The following COLEC10 variants were observed in gnomAD, a reference collection of about 807,000 sequenced individuals.
COLEC10 encodes the protein collectin subfamily member 10, also known as collectin-10.
In COLEC10, 22 loss-of-function variants were observed where a neutral mutation model predicts 28.4. That is an observed-to-expected ratio of 0.78 (90% CI 0.55 to 1.11). The LOEUF is 1.11. COLEC10 is among the 50% of genes least tolerant of loss of function. COLEC10 has a pLI of 0.00. For missense variants in COLEC10, 361 were observed against 344.1 expected (o/e 1.05, Z -0.39); for synonymous variants, 125 against 116.1 (o/e 1.08, Z -0.49).
intron 3 of COLEC10, among the ~76,000 whole-genome samples, chr8:119,092,451 GTCC>G (rs1381185118): frequency 3.3e-5 from 5 of 152,050 alleles, no homozygotes; most frequent in Non-Finnish European, 5.9e-5. Context: ...TTCCTTCCCT[GTCC>G]TCCTCTCAGA....
chr8:119,096,049 A>C (rs923365496), intron 3 of COLEC10, among the ~76,000 whole-genome samples: 2 of 150,488 alleles, frequency 1.3e-5, no homozygotes, highest in African/African-American at 4.8e-5. Flanking sequence ...GTTATTGGCT[A>C]TTCATGTATA....
the COLEC10 span, among the ~76,000 whole-genome samples, chr8:118,974,963 C>T: frequency 6.6e-6 from 1 of 151,926 alleles, no homozygotes; most frequent in Admixed American, 6.6e-5. Flanking sequence ...TTTTAAAGGG[C>T]AGATTTTCAT....
chr8:119,031,519 A>C (rs12677466), intron 2 of COLEC10, among the ~76,000 whole-genome samples: 6,684 of 152,282 alleles, frequency 0.044, 212 homozygotes, highest in East Asian at 0.16. Flanking sequence ...GTTAATTACC[A>C]AATAAGATAG....
the COLEC10 span, among the ~76,000 whole-genome samples, chr8:118,989,726 A>ATGTGTGTGTGTG: frequency 6.4e-3 from 961 of 151,304 alleles, 16 homozygotes; most frequent in African/African-American, 0.022. Context: ...AAAAATTTGC[A>ATGTGTGTGTGTG]TGTGTGTGTG....
At chr8:119,077,251 T>TTC (rs200935350) in intron 1 of COLEC10, among the ~76,000 whole-genome samples, 14,576 of 125,004 alleles carry the variant, frequency 0.12, 1,836 homozygotes, top group African/African-American at 0.31. Flanking sequence ...TGATTTTTTT[T>TTC]TTTTTTTTTT....
At chr8:118,990,969 GA>G (rs932082962), upstream of COLEC10, among the ~76,000 whole-genome samples, 19 of 140,212 alleles carry the variant, frequency 1.4e-4, no homozygotes, top group African/African-American at 3.5e-4. Context: ...GGGAATTAAA[GA>G]AAAAAAAAAC....
At position 119,082,968 on chromosome 8, in the gene COLEC10, C is replaced by T. The variant is rs367927246; in HGVS notation, c.149-6712C>T. Among the ~76,000 whole-genome samples, 15 of 152,260 alleles carry T rather than the reference C, an allele frequency of 9.9e-5. No homozygotes were observed. The East Asian group carries it at 2.7e-3, about 27-fold the overall frequency. ...TCACAGTAATTATCTGCTTCTTTGT[C>T]CATCTTCTCCTGAGGCTTTGACCTC... On this transcript the variant is annotated intron_variant, in intron 1 of 5. Coordinates refer to ENST00000332843, the MANE Select transcript of COLEC10 (RefSeq NM_006438.5).
chr8:119,027,034 A>G (rs1814203895), intron 2 of COLEC10, among the ~76,000 whole-genome samples: 1 of 152,140 alleles, frequency 6.6e-6, no homozygotes, highest in Admixed American at 6.6e-5. Context: ...CTTGGGATGA[A>G]TGCTTGATAT....
the COLEC10 span, among the ~76,000 whole-genome samples, chr8:118,979,244 C>T: frequency 6.6e-6 from 1 of 151,930 alleles, no homozygotes; most frequent in Non-Finnish European, 1.5e-5. Flanking sequence ...ATTGAAGCTC[C>T]ACCACTTAGA....
the COLEC10 span, among the ~76,000 whole-genome samples, chr8:118,981,421 C>T: frequency 1.3e-5 from 2 of 151,976 alleles, no homozygotes; most frequent in African/African-American, 4.8e-5. Context: ...AGTTATTTTA[C>T]ACTTTTAATG....
intron 1 of COLEC10, among the ~76,000 whole-genome samples, chr8:118,998,797 AG>A (rs1259755048): frequency 2.8e-5 from 4 of 142,208 alleles, no homozygotes; most frequent in Middle Eastern, 4.1e-3. Context: ...CAGTGAGCCA[AG>A]ATCGTGCCAC....
chr8:118,959,901 T>C, the COLEC10 span, among the ~76,000 whole-genome samples: 1 of 152,170 alleles, frequency 6.6e-6, no homozygotes, highest in South Asian at 2.1e-4. Context: ...TTAAAAAGCT[T>C]CAGTAAAGAA....
chr8:119,026,551 GT>G (rs1465221779), intron 2 of COLEC10, among the ~76,000 whole-genome samples: 1 of 152,068 alleles, frequency 6.6e-6, no homozygotes, highest in Non-Finnish European at 1.5e-5. Context: ...AACAACCATG[GT>G]TTTAGCTCTA....
At chr8:119,047,922 C>T (rs1312962922) in intron 2 of COLEC10, among the ~76,000 whole-genome samples, 2 of 152,108 alleles carry the variant, frequency 1.3e-5, no homozygotes, top group African/African-American at 2.4e-5. Context: ...TCCTTGGGTA[C>T]TCAATCATCA....
chr8:118,984,747 T>C, the COLEC10 span, among the ~76,000 whole-genome samples: 10,290 of 152,136 alleles, frequency 0.068, 612 homozygotes, highest in East Asian at 0.17. Context: ...TTTGTTTTCA[T>C]GCTGCTGATA....
chr8:119,104,454 G>A (rs748277809), intron 5 of COLEC10, among the ~76,000 whole-genome samples: 6 of 152,136 alleles, frequency 3.9e-5, no homozygotes, highest in Non-Finnish European at 7.4e-5. Context: ...AACATAATGT[G>A]TTTATCTGTT....
intron 1 of COLEC10, among the ~76,000 whole-genome samples, chr8:119,077,234 T>C (rs1041621367): frequency 2.8e-5 from 4 of 142,592 alleles, no homozygotes; most frequent in Non-Finnish European, 6.0e-5. Context: ...TTAGCCTGGG[T>C]AGAGAATGAT....
chr8:118,995,156 T>C (rs1485307), upstream of COLEC10, among the ~76,000 whole-genome samples: 93,582 of 152,058 alleles, frequency 0.62, 29,634 homozygotes, highest in African/African-American at 0.77. Context: ...CTTTATTTGA[T>C]AAAGTATATT....
At chr8:118,962,058 G>A in the COLEC10 span, among the ~76,000 whole-genome samples, 1 of 152,156 alleles carries the variant, frequency 6.6e-6, no homozygotes, top group Admixed American at 6.5e-5. Flanking sequence ...CAGGGCAGTG[G>A]TGGATGTAAT....
Sources: gnomAD v4.1 joint callset for allele counts (sites outside exome capture counted in the v4.1 genomes callset) on GRCh38, gnomAD v4.1.1 for gene constraint, MANE v1.5 for transcripts, NCBI Gene and HGNC (gene_info 2026-07-23, HGNC 2026-07-21) for gene names.